Variants in PAPSS1 observed in about 807,000 individuals in gnomAD.
The protein encoded by PAPSS1 is bifunctional 3'-phosphoadenosine 5'-phosphosulfate synthase 1.
A neutral mutation model predicts 72.0 loss-of-function variants in PAPSS1; 50 were observed. The ratio of observed to expected loss-of-function variants is 0.69; its 90% CI spans 0.55 to 0.88. The LOEUF (loss-of-function observed/expected upper bound fraction) is 0.88, where lower values mean the gene tolerates loss of function less well. PAPSS1 is among the 40% of genes least tolerant of loss of function. PAPSS1 has a pLI of 0.00. For missense variants in PAPSS1, 657 were observed against 782.2 expected (o/e 0.84, Z 1.91); for synonymous variants, 261 against 263.6 (o/e 0.99, Z 0.09).
At chr4:107,658,434 T>A (rs1218183973) in intron 6 of PAPSS1, among the ~76,000 whole-genome samples, 1 of 152,002 alleles carries the variant, frequency 6.6e-6, no homozygotes. Context: ...AGAGTACTCT[T>A]CATTTTACAA....
rs138111095 is a variant in PAPSS1 at position 107,700,055 on chromosome 4, T to C, written c.175+1116A>G. Among the ~76,000 whole-genome samples the C allele has an allele frequency of 1.1e-4, 16 of 152,288 alleles. No homozygotes were observed. The East Asian group carries it at 3.1e-3, about 29-fold the overall frequency. ...ATAAAAATGTAACAATTTAACTGTCTGGAATTAAGAATGAGGAAATGGGAA... is the reference window on the plus strand; with the variant it reads ...ATAAAAATGTAACAATTTAACTGTCCGGAATTAAGAATGAGGAAATGGGAA... On this transcript the variant is annotated intron_variant, in intron 2 of 11. Coordinates refer to ENST00000265174, the MANE Select transcript of PAPSS1 (RefSeq NM_005443.5).
At chr4:107,690,697 T>C (rs997482796) in intron 3 of PAPSS1, among the ~76,000 whole-genome samples, 1 of 152,204 alleles carries the variant, frequency 6.6e-6, no homozygotes, top group African/African-American at 2.4e-5. Flanking sequence ...CTGTATTGCA[T>C]GTTTCAATCC....
At chr4:107,648,264 A>G (rs959518562) in intron 9 of PAPSS1, among the ~76,000 whole-genome samples, 5 of 152,206 alleles carry the variant, frequency 3.3e-5, no homozygotes, top group Non-Finnish European at 5.9e-5. Flanking sequence ...GGAAATGAAG[A>G]TATCAGCATT....
chr4:107,654,716 G>C lies in PAPSS1; in HGVS notation c.1080C>G (p.Cys360Trp). Residue 360 changes from cysteine (C) to tryptophan (W), a missense_variant, in exon 8 of 12, where the codon TGC becomes TGG. Physicochemically the swap from Cys to Trp is radical, Grantham distance 215. Coordinates refer to ENST00000265174, the MANE Select transcript of PAPSS1 (RefSeq NM_005443.5). ...ERCARQWGTT[C>W]KNHPYIKMVM... ...GCACCTTAATATAGGGGTGGTTCTT[G>C]CATGTCGTTCCCCACTGTCTGGCAC... 6.2e-7 allele frequency: 1 copy of C among 1,612,964 alleles called. No homozygotes were observed. The highest frequency in any genetic ancestry group is 8.5e-7 in the Non-Finnish European group (1 of 1,179,734).
rs1726959714 is a variant in PAPSS1 at position 107,654,915 on chromosome 4, AG to A, written c.896-16del. ...AATGACACCTCCTGCAGAGCACAAA[AG>A]AACATGAAGCACACAGCTTGAATTA... is the stretch of plus-strand genomic sequence containing the variant. On this transcript the variant is annotated splice_polypyrimidine_tract_variant and intron_variant, in intron 7 of 11. Transcript: ENST00000265174. 3.1e-6 allele frequency: 5 copies of A among 1,596,796 alleles called. No homozygotes were observed. The highest frequency in any genetic ancestry group is 4.3e-6 in the Non-Finnish European group (5 of 1,165,188).
At position 107,683,860 on chromosome 4, in the gene PAPSS1, C is replaced by A. The variant is rs369154109; in HGVS notation, c.551-1727G>T. ...GCTTTGAAATAGAGTTGATAGGGAACTTGCTAAGCATCATTTACAAGTAAA... is the reference window on the plus strand; with the variant it reads ...GCTTTGAAATAGAGTTGATAGGGAAATTGCTAAGCATCATTTACAAGTAAA... On this transcript the variant is annotated intron_variant, in intron 4 of 11. Transcript: ENST00000265174. Among the ~76,000 whole-genome samples the A allele has an allele frequency of 3.3e-5, 5 of 151,972 alleles. No homozygotes were observed. The South Asian group carries it at 1.0e-3, about 32-fold the overall frequency.
chr4:107,646,890 C>T (rs1187440571), intron 9 of PAPSS1, among the ~76,000 whole-genome samples: 1 of 152,204 alleles, frequency 6.6e-6, no homozygotes, highest in Non-Finnish European at 1.5e-5. Context: ...GCTCAGTTTC[C>T]CTTCTTGCCC....
At chr4:107,681,956 A>G in intron 5 of PAPSS1, 59 bp downstream of exon 5, 1 of 831,126 alleles carries the variant, frequency 1.2e-6, no homozygotes, top group Non-Finnish European at 2.0e-6. Flanking sequence ...TTTGGAGGGG[A>G]AAGATTATGA....
intron 5 of PAPSS1, among the ~76,000 whole-genome samples, chr4:107,678,464 A>G (rs1256210710): frequency 6.6e-6 from 1 of 152,170 alleles, no homozygotes; most frequent in African/African-American, 2.4e-5. Context: ...AGCTGAGGTG[A>G]AAAAAAGCAG....
At chr4:107,620,116 T>C (rs981751332) in intron 11 of PAPSS1, among the ~76,000 whole-genome samples, 1 of 152,220 alleles carries the variant, frequency 6.6e-6, no homozygotes. Context: ...CCTTCAAGTA[T>C]ATCTTTTGAA....
intron 2 of PAPSS1, among the ~76,000 whole-genome samples, chr4:107,696,340 T>C (rs1723062933): frequency 6.6e-6 from 1 of 152,130 alleles, no homozygotes; most frequent in Admixed American, 6.5e-5. Context: ...CCATCAATGA[T>C]AGCCTGGATA....
chr4:107,646,184 G>A (rs1726686827), intron 9 of PAPSS1, among the ~76,000 whole-genome samples: 1 of 151,880 alleles, frequency 6.6e-6, no homozygotes, highest in African/African-American at 2.4e-5. Flanking sequence ...ATGGGAGGAG[G>A]GAAATATAGA....
intron 1 of PAPSS1, among the ~76,000 whole-genome samples, chr4:107,703,551 G>A (rs1276452482): frequency 6.6e-5 from 10 of 151,894 alleles, no homozygotes; most frequent in African/African-American, 2.4e-4. Context: ...GTGAGATAAG[G>A]GTCTAACTTC....
intron 7 of PAPSS1, among the ~76,000 whole-genome samples, chr4:107,656,021 A>G (rs1233882896): frequency 2.0e-5 from 3 of 152,232 alleles, no homozygotes; most frequent in Admixed American, 6.5e-5. Flanking sequence ...AAATATTTTC[A>G]TAAGGTAGTA....
intron 5 of PAPSS1, among the ~76,000 whole-genome samples, chr4:107,680,889 T>C (rs745874034): frequency 8.5e-5 from 13 of 152,096 alleles, no homozygotes; most frequent in Admixed American, 2.0e-4. Flanking sequence ...ACCTGATCAG[T>C]AAATACAAAG....
chr4:107,654,175 A>G (rs1042622017), intron 8 of PAPSS1, among the ~76,000 whole-genome samples: 1 of 152,190 alleles, frequency 6.6e-6, no homozygotes, highest in Non-Finnish European at 1.5e-5. Context: ...ATGTGCCAAC[A>G]ATGTGCCCAG....
rs572228769 is a variant in PAPSS1 at position 107,701,156 on chromosome 4, C to T, written c.175+15G>A. 1.3e-6 allele frequency: 2 copies of T among 1,562,338 alleles called. No individual in the cohort carries two copies. Among genetic ancestry groups the T allele is most frequent in the East Asian group, 4.5e-5 (2 of 44,622 alleles). On this transcript the variant is annotated intron_variant, in intron 2 of 11. Transcript: ENST00000265174. ...CTGCTTTTAAAATAAACTGCTTTCT[C>T]TCTCTTGACCATACCTGTTAGCCAA...
At chr4:107,619,602 G>A (rs1725905406) in intron 11 of PAPSS1, among the ~76,000 whole-genome samples, 1 of 152,112 alleles carries the variant, frequency 6.6e-6, no homozygotes. Flanking sequence ...TTCTGGAATG[G>A]GCTAAAATTA....
intron 1 of PAPSS1, among the ~76,000 whole-genome samples, chr4:107,710,042 T>A (rs549051879): frequency 6.6e-6 from 1 of 152,286 alleles, no homozygotes. Flanking sequence ...ATACATGTAA[T>A]CTTCTTCTAC....
Sources: allele counts gnomAD v4.1 joint callset (sites outside exome capture counted in the v4.1 genomes callset), GRCh38; gene constraint gnomAD v4.1.1; transcripts MANE v1.5; gene names NCBI Gene and HGNC (gene_info 2026-07-23, HGNC 2026-07-21).